The following ATRNL1 variants were observed in gnomAD, a reference collection of about 807,000 sequenced individuals.
ATRNL1 encodes attractin like 1.
ATRNL1 carries 95 observed loss-of-function variants against 182.7 expected under a neutral mutation model. The observed-to-expected ratio is 0.52, with a 90% confidence interval of 0.44 to 0.62. ATRNL1 has a LOEUF of 0.62. ATRNL1 is among the 20% of genes least tolerant of loss of function. ATRNL1 has a pLI of 0.00. For synonymous variants in ATRNL1, 576 were observed against 568.3 expected, an observed-to-expected ratio of 1.01 and a Z score of -0.19; for missense variants, 1,471 against 1,679.5, an observed-to-expected ratio of 0.88 and a Z score of 2.17.
chr10:115,903,145 C>T (rs1434266085), intron 28 of ATRNL1, among the ~76,000 whole-genome samples: 4 of 152,072 alleles, frequency 2.6e-5, no homozygotes, highest in African/African-American at 9.7e-5. Context: ...AGGTTAATTA[C>T]CAGGGAATTA....
chr10:115,537,080 A>C (rs1412645089), intron 25 of ATRNL1, among the ~76,000 whole-genome samples: 6 of 152,230 alleles, frequency 3.9e-5, no homozygotes, highest in African/African-American at 1.4e-4. Flanking sequence ...CTGGAAGTTC[A>C]CTTAGGAATT....
At chr10:115,094,195 TGG>T (rs1398303275) in intron 1 of ATRNL1, 152 bp downstream of exon 1, 2 of 826,222 alleles carry the variant, frequency 2.4e-6, no homozygotes, top group Non-Finnish European at 3.2e-6. Flanking sequence ...CGGGCGAGAG[TGG>T]GGCCCGCGCC....
intron 26 of ATRNL1, among the ~76,000 whole-genome samples, chr10:115,611,899 A>G (rs1375740413): frequency 6.6e-6 from 1 of 152,162 alleles, no homozygotes; most frequent in Non-Finnish European, 1.5e-5. Context: ...CTAAATTGAC[A>G]AGAGAGATAG....
At chr10:115,500,883 A>G (rs528145251) in intron 24 of ATRNL1, among the ~76,000 whole-genome samples, 8 of 129,908 alleles carry the variant, frequency 6.2e-5, no homozygotes, top group Admixed American at 3.8e-4. Flanking sequence ...ATTGGCTTTG[A>G]TGGAACTTTG....
chr10:115,945,048 A>G lies in ATRNL1; in HGVS notation c.*269A>G. 1 of 246,342 alleles carries G rather than the reference A, an allele frequency of 4.1e-6. No homozygotes were observed. The highest frequency in any genetic ancestry group is 7.7e-6 in the Non-Finnish European group (1 of 130,504). The allele number at this position is 246,342 out of a possible 1,614,324, so 15.3% of individuals were successfully genotyped here. A position where few individuals can be genotyped will look rare whatever the true frequency, so the allele number is the denominator to read the frequency against. ...TAAATTACTCTGGAAAAAGATGTAT[A>G]TTGTTTCTTAATGAAGATGAAAAAT... On this transcript the variant is annotated 3_prime_UTR_variant, in exon 29 of 29. Transcript: ENST00000355044.
intron 1 of ATRNL1, among the ~76,000 whole-genome samples, chr10:115,111,511 A>G (rs1306121073): frequency 6.6e-6 from 1 of 152,192 alleles, no homozygotes; most frequent in African/African-American, 2.4e-5. Flanking sequence ...GGGAGCTGGT[A>G]TCTGCAGATT....
chr10:115,924,130 T>C (rs553926585), intron 28 of ATRNL1, among the ~76,000 whole-genome samples: 2 of 152,342 alleles, frequency 1.3e-5, no homozygotes, highest in African/African-American at 2.4e-5. Context: ...TTAAGTTCCT[T>C]GTAAAATCTG....
At chr10:115,815,588 T>C (rs1950146057) in intron 27 of ATRNL1, among the ~76,000 whole-genome samples, 1 of 152,142 alleles carries the variant, frequency 6.6e-6, no homozygotes, top group African/African-American at 2.4e-5. Context: ...CTACCATCTT[T>C]AGGTCAATGT....
intron 27 of ATRNL1, among the ~76,000 whole-genome samples, chr10:115,751,270 G>C (rs782434622): frequency 5.9e-5 from 9 of 152,016 alleles, no homozygotes. Context: ...TTTTCTCCTG[G>C]AGCCTCTGAA....
chr10:115,104,901 G>A (rs1184956711), intron 1 of ATRNL1, among the ~76,000 whole-genome samples: 4 of 139,736 alleles, frequency 2.9e-5, no homozygotes, highest in Non-Finnish European at 6.3e-5. Context: ...TGCTCTATGT[G>A]TCCTTTTTTT....
chr10:115,908,114 G>A (rs998406412), intron 28 of ATRNL1, among the ~76,000 whole-genome samples: 5 of 152,120 alleles, frequency 3.3e-5, no homozygotes, highest in African/African-American at 7.2e-5. Context: ...TGTAGATTCC[G>A]TGAACACATA....
chr10:115,313,272 T>G (rs1483018507), intron 17 of ATRNL1, among the ~76,000 whole-genome samples: 1 of 152,118 alleles, frequency 6.6e-6, no homozygotes, highest in Non-Finnish European at 1.5e-5. Flanking sequence ...ATAATTATTT[T>G]TGAATTTATT....
chr10:115,439,243 C>A (rs1846549450), intron 21 of ATRNL1, among the ~76,000 whole-genome samples: 1 of 151,570 alleles, frequency 6.6e-6, no homozygotes, highest in Non-Finnish European at 1.5e-5. Context: ...AGAGGTGGCA[C>A]AGGTAGAAAA....
chr10:115,583,897 C>T (rs367582106), intron 26 of ATRNL1, among the ~76,000 whole-genome samples: 97 of 151,284 alleles, frequency 6.4e-4, no homozygotes, highest in African/African-American at 1.5e-3. Flanking sequence ...TTGTCATAGA[C>T]AGCTCTTATT....
intron 20 of ATRNL1, among the ~76,000 whole-genome samples, chr10:115,407,231 C>T (rs1411648367): frequency 6.6e-6 from 1 of 152,058 alleles, no homozygotes; most frequent in Non-Finnish European, 1.5e-5. Context: ...GTGTTAGGAA[C>T]ATTAACACAA....
intron 25 of ATRNL1, among the ~76,000 whole-genome samples, chr10:115,525,917 G>A (rs142479738): frequency 3.9e-5 from 6 of 152,004 alleles, no homozygotes; most frequent in Non-Finnish European, 7.4e-5. Flanking sequence ...CCTAAATCTT[G>A]CATCCGTATC....
intron 26 of ATRNL1, among the ~76,000 whole-genome samples, chr10:115,565,551 C>T (rs1223831992): frequency 6.6e-6 from 1 of 151,906 alleles, no homozygotes; most frequent in African/African-American, 2.4e-5. Context: ...TGGCTTTCTA[C>T]CTATGCATTT....
intron 27 of ATRNL1, among the ~76,000 whole-genome samples, chr10:115,813,297 T>C (rs999901864): frequency 3.9e-5 from 6 of 152,294 alleles, no homozygotes; most frequent in Middle Eastern, 3.4e-3. Context: ...TGCAGGGATA[T>C]GGGTTATTAT....
chr10:115,637,103 A>G (rs1309547562), intron 26 of ATRNL1, among the ~76,000 whole-genome samples: 1 of 152,232 alleles, frequency 6.6e-6, no homozygotes, highest in Non-Finnish European at 1.5e-5. Context: ...AGTGGTCTTA[A>G]CTAACAGAGA....
Sources: gnomAD v4.1 joint callset for allele counts (sites outside exome capture counted in the v4.1 genomes callset) on GRCh38, gnomAD v4.1.1 for gene constraint, MANE v1.5 for transcripts, NCBI Gene and HGNC (gene_info 2026-07-23, HGNC 2026-07-21) for gene names.